The following C4orf51 variants were observed in gnomAD, a reference collection of about 807,000 sequenced individuals.
The protein encoded by C4orf51 is uncharacterized protein C4orf51.
Under a neutral mutation model 25.2 loss-of-function variants are expected in C4orf51, and 25 were observed. The ratio of observed to expected loss-of-function variants is 0.99; its 90% CI spans 0.72 to 1.39. The LOEUF is 1.39. Ranked by LOEUF, C4orf51 falls within the 40% of genes most tolerant of loss-of-function variation. C4orf51 has a pLI of 0.00. For missense variants in C4orf51, 252 were observed against 239.6 expected (o/e 1.05, Z -0.34); for synonymous variants, 100 against 84.5 (o/e 1.18, Z -1.01).
At chr4:145,682,233 T>C (rs1728880873) in intron 1 of C4orf51, among the ~76,000 whole-genome samples, 1 of 114,476 alleles carries the variant, frequency 8.7e-6, no homozygotes, top group African/African-American at 3.3e-5. Flanking sequence ...GTAAATATAT[T>C]CTTTGCACAA....
downstream of C4orf51, among the ~76,000 whole-genome samples, chr4:145,734,940 G>A (rs78806058): frequency 0.15 from 22,560 of 152,174 alleles, 1,754 homozygotes; most frequent in Admixed American, 0.18. Context: ...CCTTAGAGCC[G>A]GTTCAGTCTG....
At chr4:145,684,399 G>A (rs570719820) in intron 1 of C4orf51, among the ~76,000 whole-genome samples, 25 of 152,008 alleles carry the variant, frequency 1.6e-4, no homozygotes, top group African/African-American at 3.4e-4. Flanking sequence ...GGAGAATGGC[G>A]TGAACCCAGG....
chr4:145,712,983 G>T (rs1230201126), intron 2 of C4orf51, among the ~76,000 whole-genome samples: 1 of 152,168 alleles, frequency 6.6e-6, no homozygotes, highest in Non-Finnish European at 1.5e-5. Context: ...TGTATCAATG[G>T]GACAACAAAG....
At chr4:145,681,667 A>G (rs762564061) in intron 1 of C4orf51, among the ~76,000 whole-genome samples, 2 of 152,192 alleles carry the variant, frequency 1.3e-5, no homozygotes, top group Non-Finnish European at 2.9e-5. Context: ...GTCCAAGAAC[A>G]TGGTGCCAGC....
chr4:145,702,126 C>T (rs997550483), intron 2 of C4orf51, among the ~76,000 whole-genome samples: 2 of 152,172 alleles, frequency 1.3e-5, no homozygotes, highest in African/African-American at 2.4e-5. Flanking sequence ...TGTTATCACT[C>T]GCCTGCTACA....
At chr4:145,731,404 C>G (rs1732451418) in intron 5 of C4orf51, among the ~76,000 whole-genome samples, 1 of 151,928 alleles carries the variant, frequency 6.6e-6, no homozygotes, top group Non-Finnish European at 1.5e-5. Flanking sequence ...GACATTAATC[C>G]TGCTCTTGTT....
intron 2 of C4orf51, among the ~76,000 whole-genome samples, chr4:145,712,271 C>G (rs76177962): frequency 5.0e-4 from 76 of 152,264 alleles, no homozygotes; most frequent in African/African-American, 1.8e-3. Context: ...AAAGCTAGAA[C>G]AGTTTAGCTT....
downstream of C4orf51, chr4:145,757,575 A>C (rs1560873520): frequency 6.6e-6 from 1 of 152,166 alleles, no homozygotes; most frequent in Non-Finnish European, 1.5e-5. Context: ...CATAACCCTG[A>C]GACCAACAAG....
the C4orf51 span, among the ~76,000 whole-genome samples, chr4:145,777,144 T>C: frequency 3.3e-5 from 5 of 152,246 alleles, no homozygotes; most frequent in Non-Finnish European, 7.3e-5. Flanking sequence ...ATTATTGTTA[T>C]AGGTGGTCCC....
chr4:145,703,268 C>T (rs1391155438), intron 2 of C4orf51, among the ~76,000 whole-genome samples: 4 of 151,974 alleles, frequency 2.6e-5, no homozygotes, highest in Non-Finnish European at 4.4e-5. Context: ...CCTGGCTCAT[C>T]CTGGCTCAAA....
intron 1 of C4orf51, among the ~76,000 whole-genome samples, chr4:145,688,605 T>C (rs1266694133): frequency 2.0e-5 from 3 of 152,224 alleles, no homozygotes; most frequent in Non-Finnish European, 4.4e-5. Context: ...CCCTTTGTCT[T>C]CTGCCATGAT....
At chr4:145,743,556 T>G (rs1733212011) in intron 1 of C4orf51, among the ~76,000 whole-genome samples, 1 of 152,162 alleles carries the variant, frequency 6.6e-6, no homozygotes. Flanking sequence ...ACAGCTACAT[T>G]AGGGATTAAG....
chr4:145,680,147 ATTC>A lies in C4orf51; in HGVS notation c.-53_-51del, dbSNP rs1728730354. On this transcript the variant is annotated 5_prime_UTR_variant, in exon 1 of 6. Transcript: ENST00000438731. ...GCTTCCTGCTACTAGAAGGAAATTA[ATTC>A]TTCATTATGCAGAGGACTTGACAAG... The A allele has an allele frequency of 1.5e-6, 2 of 1,308,554 alleles. No individual in the cohort carries two copies. Among genetic ancestry groups the A allele is most frequent in the Admixed American group, 3.4e-5 (2 of 58,764 alleles). The allele number at this position is 1,308,554 out of a possible 1,614,324, so 81.1% of individuals were successfully genotyped here.
intron 2 of C4orf51, among the ~76,000 whole-genome samples, chr4:145,724,468 C>T (rs1731928895): frequency 6.6e-6 from 1 of 152,040 alleles, no homozygotes; most frequent in Non-Finnish European, 1.5e-5. Context: ...CATGCTAGTC[C>T]CCTCTCTTGA....
intron 2 of C4orf51, among the ~76,000 whole-genome samples, chr4:145,725,023 G>A (rs1356763510): frequency 6.6e-6 from 1 of 151,706 alleles, no homozygotes; most frequent in Non-Finnish European, 1.5e-5. Flanking sequence ...TAGACTTTGT[G>A]GACTCGGGGG....
chr4:145,765,005 G>A lies in C4orf51; in HGVS notation n.167-5983G>A. On this transcript the variant is annotated intron_variant and non_coding_transcript_variant, in intron 1 of 1. Transcript: ENST00000510096. The surrounding 1 kb of genome is among the most constrained non-coding windows in gnomAD (Gnocchi z 4.7). ...TTCCTTACTTGAGCCCACCGGTGGG[G>A]ACAGTGTGGCATTTCTTATGCTCCA... 6.2e-7 allele frequency: 1 copy of A among 1,613,714 alleles called. No individual in the cohort carries two copies.
chr4:145,706,694 G>A (rs1289755979), intron 2 of C4orf51, among the ~76,000 whole-genome samples: 1 of 152,100 alleles, frequency 6.6e-6, no homozygotes, highest in East Asian at 1.9e-4. Context: ...AGCCTGGAGT[G>A]CAGTGGCGCA....
rs115468844 is a variant in C4orf51, at chr4:145,763,310, G to A, written n.167-7678G>A. On this transcript the variant is annotated intron_variant and non_coding_transcript_variant, in intron 1 of 1. Coordinates refer to the C4orf51 transcript ENST00000510096. This position sits in a 1 kb window ranked among gnomAD's most constrained non-coding sequence, Gnocchi z 4.6. ...TCAGGCAAAGTGCTAAGGGTTTTCC[G>A]TGCTCCCGTTATTTTCTTAAAGACA... 1.9e-3 allele frequency among the ~76,000 whole-genome samples: 294 copies of A among 152,252 alleles called. No individual in the cohort carries two copies. Among genetic ancestry groups the A allele is most frequent in the African/African-American group, 6.7e-3 (278 of 41,528 alleles).
downstream of C4orf51, chr4:145,774,431 T>C: frequency 6.6e-7 from 1 of 1,515,280 alleles, no homozygotes. Context: ...GTGGGGATGC[T>C]TCGGCCAGGT....
Sources: gnomAD v4.1 joint callset for allele counts (sites outside exome capture counted in the v4.1 genomes callset) on GRCh38, gnomAD v4.1.1 for gene constraint, Gnocchi (gnomAD v3.1) non-coding constraint, MANE v1.5 for transcripts, NCBI Gene and HGNC (gene_info 2026-07-23, HGNC 2026-07-21) for gene names.